The following PLXNC1 variants were observed in gnomAD, a reference collection of about 807,000 sequenced individuals.
PLXNC1 encodes plexin C1.
In PLXNC1, 75 loss-of-function variants were observed where a neutral mutation model predicts 178.2. That is an observed-to-expected ratio of 0.42 (90% CI 0.35 to 0.51). PLXNC1 has a LOEUF of 0.51. Ranked by LOEUF, PLXNC1 falls within the 20% of genes least tolerant of loss-of-function variation. The pLI is 0.02. For synonymous variants in PLXNC1, 790 were observed against 779.9 expected (o/e 1.01, Z -0.22); for missense variants, 1,503 against 1,984.4 (o/e 0.76, Z 4.61).
chr12:94,188,789 C>A (rs1962615527), intron 4 of PLXNC1, among the ~76,000 whole-genome samples: 1 of 152,222 alleles, frequency 6.6e-6, no homozygotes, highest in Non-Finnish European at 1.5e-5. Context: ...GTAGGGAGGC[C>A]AGCCTCAGAC....
chr12:94,233,650 T>A (rs552829840), intron 9 of PLXNC1, among the ~76,000 whole-genome samples: 2 of 152,258 alleles, frequency 1.3e-5, no homozygotes, highest in Admixed American at 1.3e-4. Context: ...ACATCTCAAG[T>A]TCCCTGGAGC....
At chr12:94,191,859 T>G (rs935814162) in intron 4 of PLXNC1, among the ~76,000 whole-genome samples, 3 of 152,140 alleles carry the variant, frequency 2.0e-5, no homozygotes, top group East Asian at 3.8e-4. Flanking sequence ...ATTTTATTGT[T>G]GGAACCTCAG....
At chr12:94,268,626 C>T (rs1386042594) in intron 21 of PLXNC1, among the ~76,000 whole-genome samples, 1 of 112,326 alleles carries the variant, frequency 8.9e-6, no homozygotes, top group Non-Finnish European at 1.7e-5. Context: ...TTAAGGAATA[C>T]CACTCTAGTG....
intron 21 of PLXNC1, among the ~76,000 whole-genome samples, chr12:94,278,740 G>C (rs1966185960): frequency 6.6e-6 from 1 of 152,298 alleles, no homozygotes; most frequent in East Asian, 1.9e-4. Context: ...GCTCACGCCT[G>C]TAATCCTAGC....
At chr12:94,186,309 G>A (rs997630023) in intron 3 of PLXNC1, 64 bp from the exon 4 acceptor site, 117 of 1,141,556 alleles carry the variant, frequency 1.0e-4, no homozygotes, top group Admixed American at 7.3e-4. Context: ...CATTAGATAA[G>A]GTGTTGTAGT....
chr12:94,158,741 G>A (rs1961269215), intron 1 of PLXNC1, among the ~76,000 whole-genome samples: 1 of 152,138 alleles, frequency 6.6e-6, no homozygotes, highest in African/African-American at 2.4e-5. Flanking sequence ...TTAAAATCCA[G>A]CCTGAACAAC....
At chr12:94,276,593 T>C (rs1965978614) in intron 21 of PLXNC1, among the ~76,000 whole-genome samples, 1 of 152,196 alleles carries the variant, frequency 6.6e-6, no homozygotes, top group Non-Finnish European at 1.5e-5. Flanking sequence ...GGTGAGCTGT[T>C]CCTGGAGCAA....
At chr12:94,284,798 T>TG (rs1224627894) in intron 23 of PLXNC1, among the ~76,000 whole-genome samples, 1 of 152,080 alleles carries the variant, frequency 6.6e-6, no homozygotes, top group Non-Finnish European at 1.5e-5. Context: ...ATCACACAGA[T>TG]GGGGGCAGCC....
intron 1 of PLXNC1, among the ~76,000 whole-genome samples, chr12:94,155,254 G>C (rs1197249276): frequency 1.3e-5 from 2 of 152,166 alleles, no homozygotes; most frequent in Non-Finnish European, 2.9e-5. Context: ...TATGCTGTAG[G>C]CAGTGGTCCT....
chr12:94,189,358 T>G (rs1962637012), intron 4 of PLXNC1, among the ~76,000 whole-genome samples: 1 of 151,856 alleles, frequency 6.6e-6, no homozygotes. Context: ...GGTGGCAGGG[T>G]CTGTGTTGGA....
At chr12:94,302,052 A>C (rs1361290460) in intron 28 of PLXNC1, among the ~76,000 whole-genome samples, 3 of 152,066 alleles carry the variant, frequency 2.0e-5, no homozygotes, top group African/African-American at 4.8e-5. Context: ...CTTTCCTTCT[A>C]AACTTTTCCT....
chr12:94,183,382 C>T (rs1466385854), intron 3 of PLXNC1, among the ~76,000 whole-genome samples: 1 of 152,226 alleles, frequency 6.6e-6, no homozygotes, highest in African/African-American at 2.4e-5. Context: ...TGCCAATTTG[C>T]TTCACCATGC....
Position 94,275,850 on chromosome 12 carries a change from G to A in PLXNC1, c.3598-3622G>A, listed in dbSNP as rs1247246345. On this transcript the variant is annotated intron_variant, in intron 21 of 30. Coordinates refer to ENST00000258526, the MANE Select transcript of PLXNC1 (RefSeq NM_005761.3). ...AGCCTGGGCGACAGAGCGAGACTCCGTCTCAAAAAAAAAAAAAAAAAAAAA... is the reference window on the plus strand; with the variant it reads ...AGCCTGGGCGACAGAGCGAGACTCCATCTCAAAAAAAAAAAAAAAAAAAAA... Among the ~76,000 whole-genome samples, 136 of 52,970 alleles carry A rather than the reference G, an allele frequency of 2.6e-3. 13 individuals are homozygous for A. The East Asian group carries it at 0.066, about 26-fold the overall frequency. 34.8% of individuals were successfully genotyped at this position (52,970 alleles called of 152,430 possible). A position where few individuals can be genotyped will look rare whatever the true frequency, so the allele number is the denominator to read the frequency against.
chr12:94,149,358 C>G lies in PLXNC1; in HGVS notation c.387C>G (p.Phe129Leu). Residue 129 changes from phenylalanine (F) to leucine (L), a missense_variant, in exon 1 of 31, where the codon TTC (phenylalanine) becomes TTG (leucine). By Grantham distance (22) the Phe-to-Leu change is conservative (BLOSUM62 0). Around this residue, in one of 4 missense-constraint regions of PLXNC1, gnomAD observed 73 missense variants for 125.4 expected, o/e 0.58. Coordinates refer to ENST00000258526, the MANE Select transcript of PLXNC1 (RefSeq NM_005761.3). ...GGCTGCTGCTCACCGGCTGGACCTT[C>G]GACCGGGGCGCCTGCGAGGTGCGGC... ...LGGLLLTGWT[F>L]DRGACEVRPL... is the part of the protein sequence containing the mutation. 2 of 1,430,138 alleles carry G rather than the reference C, an allele frequency of 1.4e-6. No individual in the cohort carries two copies. Among genetic ancestry groups the G allele is most frequent in the South Asian group, 2.9e-5 (2 of 67,810 alleles). The allele number at this position is 1,430,138 out of a possible 1,614,324, so 88.6% of individuals were successfully genotyped here. A position where few individuals can be genotyped will look rare whatever the true frequency, so the allele number is the denominator to read the frequency against.
intron 21 of PLXNC1, chr12:94,277,292 T>A (rs926070142): frequency 2.0e-5 from 3 of 152,610 alleles, no homozygotes; most frequent in Admixed American, 2.0e-4. Context: ...TCTAATCCCC[T>A]CCAAAGGCCC....
chr12:94,225,059 C>T (rs1963901594), intron 7 of PLXNC1, among the ~76,000 whole-genome samples: 2 of 152,206 alleles, frequency 1.3e-5, no homozygotes. Flanking sequence ...CTGCTGCCCC[C>T]CTTTTCACCA....
At chr12:94,246,778 T>C (rs560332779) in intron 12 of PLXNC1, among the ~76,000 whole-genome samples, 41 of 151,810 alleles carry the variant, frequency 2.7e-4, no homozygotes, top group Non-Finnish European at 4.6e-4. Flanking sequence ...GGCTATAGTT[T>C]GGAAAGATGT....
At chr12:94,225,206 G>T (rs1963905654) in intron 7 of PLXNC1, among the ~76,000 whole-genome samples, 1 of 152,182 alleles carries the variant, frequency 6.6e-6, no homozygotes, top group Non-Finnish European at 1.5e-5. Context: ...ATGGAGGCCT[G>T]CAGGGCACCT....
At chr12:94,244,360 T>C (rs1244132813) in intron 12 of PLXNC1, among the ~76,000 whole-genome samples, 1 of 152,236 alleles carries the variant, frequency 6.6e-6, no homozygotes, top group Non-Finnish European at 1.5e-5. Flanking sequence ...AGGTGTGATA[T>C]AAAGAATTGC....
Sources: gnomAD v4.1 joint callset for allele counts (sites outside exome capture counted in the v4.1 genomes callset) on GRCh38, gnomAD v4.1.1 for gene constraint, gnomAD v4.1.1 regional missense constraint, MANE v1.5 for transcripts, NCBI Gene and HGNC (gene_info 2026-07-23, HGNC 2026-07-21) for gene names.